Variants in PSMA1 observed in about 807,000 individuals in gnomAD.
PSMA1 encodes the protein proteasome subunit alpha type-1.
A neutral mutation model predicts 38.4 loss-of-function variants in PSMA1; 3 were observed. The ratio of observed to expected loss-of-function variants is 0.08; its 90% CI spans 0.04 to 0.20. The LOEUF is 0.20. PSMA1 is among the 10% of genes least tolerant of loss of function. PSMA1 has a pLI of 1.00. For missense variants in PSMA1, 227 were observed against 325.3 expected (o/e 0.70, Z 2.32); for synonymous variants, 101 against 107.1 (o/e 0.94, Z 0.35).
intron 2 of PSMA1, among the ~76,000 whole-genome samples, chr11:14,533,588 T>G (rs996266292): frequency 2.7e-5 from 2 of 73,940 alleles, no homozygotes; most frequent in African/African-American, 6.2e-5. Flanking sequence ...TTCTTTTCTT[T>G]TTTTTTTTTA....
intron 2 of PSMA1, among the ~76,000 whole-genome samples, chr11:14,565,971 T>C (rs1484408371): frequency 2.6e-5 from 4 of 152,176 alleles, no homozygotes; most frequent in African/African-American, 9.7e-5. Flanking sequence ...ACTCAAGCCA[T>C]TATCTGAAAG....
chr11:14,510,994 A>G, intron 7 of PSMA1, 43 bp from the exon 8 acceptor site: 3 of 1,311,240 alleles, frequency 2.3e-6, no homozygotes, highest in African/African-American at 1.5e-5. Flanking sequence ...TTTCATTGTT[A>G]TGCTAGGCTT....
intron 2 of PSMA1, among the ~76,000 whole-genome samples, chr11:14,599,932 A>T (rs1180111154): frequency 6.6e-6 from 1 of 152,174 alleles, no homozygotes; most frequent in Non-Finnish European, 1.5e-5. Context: ...TTTGGTGTAG[A>T]TGACCTTTTT....
At chr11:14,595,888 A>C (rs1328969618) in intron 2 of PSMA1, among the ~76,000 whole-genome samples, 12 of 152,218 alleles carry the variant, frequency 7.9e-5, no homozygotes, top group African/African-American at 2.9e-4. Context: ...CTAACAGTTA[A>C]GTCTTTAATC....
chr11:14,604,961 G>T (rs1852624937), intron 2 of PSMA1, among the ~76,000 whole-genome samples: 1 of 152,174 alleles, frequency 6.6e-6, no homozygotes, highest in Non-Finnish European at 1.5e-5. Flanking sequence ...CCACTGATGA[G>T]CATCTAGGTT....
chr11:14,562,425 C>T (rs1852020044), intron 2 of PSMA1, among the ~76,000 whole-genome samples: 1 of 152,198 alleles, frequency 6.6e-6, no homozygotes, highest in South Asian at 2.1e-4. Context: ...TTAGCCCAGA[C>T]CTCAATGGTC....
At chr11:14,620,119 T>C (rs1403889912) in intron 1 of PSMA1, among the ~76,000 whole-genome samples, 1 of 152,048 alleles carries the variant, frequency 6.6e-6, no homozygotes, top group Non-Finnish European at 1.5e-5. Flanking sequence ...GTTTTGAGCA[T>C]TATAACATAC....
intron 2 of PSMA1, among the ~76,000 whole-genome samples, chr11:14,596,310 A>T (rs942301787): frequency 6.6e-6 from 1 of 152,188 alleles, no homozygotes; most frequent in Non-Finnish European, 1.5e-5. Context: ...TGGAGATGGC[A>T]TTGAATCTAT....
At chr11:14,615,441 C>T (rs1478296699) in intron 1 of PSMA1, among the ~76,000 whole-genome samples, 2 of 152,214 alleles carry the variant, frequency 1.3e-5, no homozygotes, top group Non-Finnish European at 2.9e-5. Context: ...CAGAAGAGTA[C>T]AATTGTAATA....
chr11:14,557,034 T>A (rs1851947394), intron 2 of PSMA1, among the ~76,000 whole-genome samples: 1 of 152,050 alleles, frequency 6.6e-6, no homozygotes, highest in Admixed American at 6.6e-5. Context: ...GGGGTATCAC[T>A]GTGTTGCCCA....
intron 1 of PSMA1, among the ~76,000 whole-genome samples, chr11:14,631,502 C>G (rs905646665): frequency 6.6e-6 from 1 of 152,014 alleles, no homozygotes; most frequent in African/African-American, 2.4e-5. Context: ...ATCCTGAGTT[C>G]TAGTTTGATT....
intron 1 of PSMA1, chr11:14,519,744 G>C (rs944910757): frequency 1.3e-5 from 2 of 158,280 alleles, no homozygotes; most frequent in East Asian, 3.7e-4. Flanking sequence ...ACCCTATATT[G>C]TAACCCTGAT....
chr11:14,592,390 A>AT (rs1334506566), intron 2 of PSMA1, among the ~76,000 whole-genome samples: 32 of 138,990 alleles, frequency 2.3e-4, no homozygotes, highest in African/African-American at 9.2e-4. Context: ...ATATATATAT[A>AT]TATATTTTTT....
intron 1 of PSMA1, among the ~76,000 whole-genome samples, chr11:14,615,883 T>C (rs1378317930): frequency 6.6e-6 from 1 of 152,130 alleles, no homozygotes; most frequent in African/African-American, 2.4e-5. Flanking sequence ...GAGCCTTCTC[T>C]TCCTAGGAGG....
chr11:14,562,335 A>G (rs1177627122), intron 2 of PSMA1, among the ~76,000 whole-genome samples: 2 of 152,186 alleles, frequency 1.3e-5, no homozygotes, highest in Non-Finnish European at 2.9e-5. Context: ...CCCCTTGTAC[A>G]TGAGCTACTT....
intron 4 of PSMA1, among the ~76,000 whole-genome samples, chr11:14,516,666 C>T (rs956294328): frequency 4.6e-5 from 7 of 152,140 alleles, no homozygotes; most frequent in African/African-American, 9.7e-5. Flanking sequence ...TGGCTCACAC[C>T]TATAATCCCA....
chr11:14,525,653 C>T (rs1851577129), intron 2 of PSMA1, among the ~76,000 whole-genome samples: 1 of 152,166 alleles, frequency 6.6e-6, no homozygotes, highest in Admixed American at 6.5e-5. Flanking sequence ...GCAACCCGTA[C>T]ACTCTTTTGT....
At chr11:14,564,315 C>CT (rs543735539) in intron 2 of PSMA1, among the ~76,000 whole-genome samples, 8 of 151,936 alleles carry the variant, frequency 5.3e-5, no homozygotes, top group Non-Finnish European at 1.0e-4. Context: ...AATTTTTGGC[C>CT]TTTTTTTTCA....
chr11:14,514,385 C>A lies in PSMA1; in HGVS notation c.343+18G>T. The A allele has an allele frequency of 6.3e-7, 1 of 1,591,144 alleles. No individual in the cohort carries two copies. The highest frequency in any genetic ancestry group is 1.1e-5 in the South Asian group (1 of 87,486). ...CCTTCAAAGTTCATATCCATAAATGCTAACATAAAAAGGATACTGCTTCCA... is the reference window on the plus strand; with the variant it reads ...CCTTCAAAGTTCATATCCATAAATGATAACATAAAAAGGATACTGCTTCCA... On this transcript the variant is annotated intron_variant, in intron 5 of 9. Coordinates refer to ENST00000396394, the MANE Select transcript of PSMA1 (RefSeq NM_002786.4).
Sources: gnomAD v4.1 joint callset for allele counts (sites outside exome capture counted in the v4.1 genomes callset) on GRCh38, gnomAD v4.1.1 for gene constraint, MANE v1.5 for transcripts, NCBI Gene and HGNC (gene_info 2026-07-23, HGNC 2026-07-21) for gene names.